Variants in ZNF331 observed in about 807,000 individuals in gnomAD.
The protein encoded by ZNF331 is C2H2-like zinc finger protein rearranged in thyroid adenomas.
ZNF331 carries 2 observed loss-of-function variants against 7.0 expected under a neutral mutation model. The observed-to-expected ratio is 0.29, with a 90% CI of 0.12 to 0.90. The LOEUF (loss-of-function observed/expected upper bound fraction) is 0.90, where lower values mean the gene tolerates loss of function less well. Among genes scored for constraint, ZNF331 ranks in the 40% least tolerant of loss-of-function variants. ZNF331 has a pLI of 0.58. For missense variants in ZNF331, 432 were observed against 587.7 expected (o/e 0.74, Z 2.74); for synonymous variants, 196 against 205.4 (o/e 0.95, Z 0.39).
At chr19:53,548,755 A>G (rs1353209785) in intron 2 of ZNF331, among the ~76,000 whole-genome samples, 2 of 151,252 alleles carry the variant, frequency 1.3e-5, no homozygotes, top group Non-Finnish European at 3.0e-5. Flanking sequence ...GTGAAGGAGA[A>G]TTTTCCCTAT....
chr19:53,533,509 G>A (rs1413028549), upstream of ZNF331, among the ~76,000 whole-genome samples: 2 of 152,136 alleles, frequency 1.3e-5, no homozygotes, highest in Non-Finnish European at 2.9e-5. Context: ...AGTCCATTTG[G>A]TCTAAAGTAA....
At chr19:53,564,313 CCT>C (rs1568525301) in intron 3 of ZNF331, among the ~76,000 whole-genome samples, 1 of 151,708 alleles carries the variant, frequency 6.6e-6, no homozygotes, top group African/African-American at 2.4e-5. Context: ...GGAGTCTTCC[CCT>C]GTTGCCAAGA....
At chr19:53,519,911 G>A (rs1347872173), upstream of ZNF331, among the ~76,000 whole-genome samples, 1 of 152,164 alleles carries the variant, frequency 6.6e-6, no homozygotes, top group African/African-American at 2.4e-5. Flanking sequence ...ACTTTCTAGA[G>A]GCATTTCCAG....
intron 2 of ZNF331, among the ~76,000 whole-genome samples, chr19:53,529,659 G>A (rs1481932989): frequency 6.6e-6 from 1 of 151,712 alleles, no homozygotes; most frequent in African/African-American, 2.4e-5. Context: ...CTATAGCTGT[G>A]TCCTTCAGAT....
In ZNF331 at chr19:53,549,416, A is replaced by G. The variant is rs115330447; in HGVS notation, c.-137-6429A>G. Reference sequence around the variant, plus strand: ...CTGCAGAACAAGGAGGTAGGATGAAAATGAAATCCGTCCTCCCAGGGAGTT... The same window carrying G: ...CTGCAGAACAAGGAGGTAGGATGAAGATGAAATCCGTCCTCCCAGGGAGTT... On this transcript the variant is annotated intron_variant, in intron 2 of 5. Coordinates refer to ENST00000449416, the MANE Select transcript of ZNF331 (RefSeq NM_001079906.2). Among the ~76,000 whole-genome samples the G allele has an allele frequency of 4.9e-3, 752 of 152,302 alleles. 4 individuals carry two copies. The highest frequency in any genetic ancestry group is 0.014 in the African/African-American group (585 of 41,540).
chr19:53,519,793 CTCAAGGT>C (rs1230686582), upstream of ZNF331, among the ~76,000 whole-genome samples: 1 of 152,170 alleles, frequency 6.6e-6, no homozygotes, highest in East Asian at 1.9e-4. Context: ...GTGGAACCTA[CTCAAGGT>C]CCCTACACAC....
the ZNF331 span, among the ~76,000 whole-genome samples, chr19:53,506,454 C>G: frequency 0.045 from 4,515 of 100,140 alleles, 113 homozygotes; most frequent in East Asian, 0.099. Flanking sequence ...GTCTCTCTCT[C>G]TCTCTCTCTC....
At chr19:53,548,170 G>A (rs1395842275) in intron 2 of ZNF331, among the ~76,000 whole-genome samples, 2 of 151,502 alleles carry the variant, frequency 1.3e-5, no homozygotes, top group Admixed American at 6.6e-5. Context: ...GTGCAGTGGC[G>A]TGATCTCGGC....
the ZNF331 span, among the ~76,000 whole-genome samples, chr19:53,512,841 A>G: frequency 6.7e-6 from 1 of 149,706 alleles, no homozygotes; most frequent in African/African-American, 2.4e-5. Flanking sequence ...AGATCAAACT[A>G]ATGCCTGATG....
chr19:53,534,830 T>C (rs1299138322), upstream of ZNF331, among the ~76,000 whole-genome samples: 1 of 152,078 alleles, frequency 6.6e-6, no homozygotes, highest in Non-Finnish European at 1.5e-5. Flanking sequence ...CATAACATAT[T>C]CCCAGGTTCC....
At chr19:53,535,018 CAAA>C (rs59509834), upstream of ZNF331, among the ~76,000 whole-genome samples, 5,635 of 127,300 alleles carry the variant, frequency 0.044, 377 homozygotes, top group African/African-American at 0.15. Flanking sequence ...AGCCTGTAAC[CAAA>C]AAAAAAAAAA....
At chr19:53,542,708 A>G (rs922562446) in intron 2 of ZNF331, among the ~76,000 whole-genome samples, 3 of 151,996 alleles carry the variant, frequency 2.0e-5, no homozygotes, top group Non-Finnish European at 4.4e-5. Context: ...TCTTTTGCTA[A>G]TGTATTCATT....
chr19:53,511,937 G>A, the ZNF331 span: 1 of 152,212 alleles, frequency 6.6e-6, no homozygotes, highest in Non-Finnish European at 1.5e-5. Flanking sequence ...TATCGTTCAA[G>A]TTATTTTCCT....
intron 3 of ZNF331, among the ~76,000 whole-genome samples, chr19:53,566,132 A>G (rs1025351847): frequency 2.6e-5 from 4 of 152,084 alleles, no homozygotes; most frequent in African/African-American, 9.7e-5. Flanking sequence ...GAGAGGTTGC[A>G]TAGGACAGGT....
chr19:53,554,085 C>G (rs1049348696), intron 2 of ZNF331, among the ~76,000 whole-genome samples: 2 of 152,180 alleles, frequency 1.3e-5, no homozygotes, highest in South Asian at 4.1e-4. Context: ...CTCCTCAAGC[C>G]TCTCACCCCT....
chr19:53,503,265 C>A, the ZNF331 span: 23 of 331,072 alleles, frequency 6.9e-5, no homozygotes, highest in Admixed American at 1.3e-4. Flanking sequence ...ATCTCCTGGG[C>A]TCAAGGGATC....
Position 53,569,315 on chromosome 19 carries a change from C to T in ZNF331, c.-62C>T, listed in dbSNP as rs1014979011. On this transcript the variant is annotated 5_prime_UTR_variant, in exon 4 of 6. Transcript: ENST00000449416. ...TTTTCCACCCCTAGCTCTAGCCTCT[C>T]GGAATTTGTCTTCTTCAGTGGAAAC... The T allele has an allele frequency of 1.6e-5, 25 of 1,598,644 alleles. No individual in the cohort carries two copies. The highest frequency in any genetic ancestry group is 2.1e-5 in the Non-Finnish European group (24 of 1,167,742).
rs769561349 is a variant in ZNF331, at chr19:53,576,688, T to C, written c.137-9T>C. On this transcript the variant is annotated splice_polypyrimidine_tract_variant and intron_variant, in intron 5 of 5. Coordinates refer to ENST00000449416, the MANE Select transcript of ZNF331 (RefSeq NM_001079906.2). ...TCTAAAGGAAAGAAAATATGTTCTTTTTTCCCAGATTTGGAGTCAGCATAT... is the reference window on the plus strand; with the variant it reads ...TCTAAAGGAAAGAAAATATGTTCTTCTTTCCCAGATTTGGAGTCAGCATAT... 6.3e-7 allele frequency: 1 copy of C among 1,585,838 alleles called. No homozygotes were observed.
intron 2 of ZNF331, among the ~76,000 whole-genome samples, chr19:53,552,085 A>C (rs370541137): frequency 6.6e-6 from 1 of 152,180 alleles, no homozygotes; most frequent in South Asian, 2.1e-4. Flanking sequence ...TACAAATAAC[A>C]AATCCAAGAT....
Sources: allele counts gnomAD v4.1 joint callset (sites outside exome capture counted in the v4.1 genomes callset), GRCh38; gene constraint gnomAD v4.1.1; transcripts MANE v1.5; gene names NCBI Gene and HGNC (gene_info 2026-07-23, HGNC 2026-07-21).